Variants in KLRG1 observed in about 807,000 individuals in gnomAD.
KLRG1 encodes killer cell lectin like receptor G1.
In KLRG1, 16 loss-of-function variants were observed where a neutral mutation model predicts 21.8. The observed-to-expected ratio is 0.73, with a 90% CI of 0.50 to 1.11. The LOEUF (loss-of-function observed/expected upper bound fraction) is 1.11. Ranked by LOEUF, KLRG1 falls within the 50% of genes most tolerant of loss-of-function variation. The pLI is 0.00. For missense variants in KLRG1, 173 were observed against 218.3 expected, an observed-to-expected ratio of 0.79 and a Z score of 1.31; for synonymous variants, 69 against 75.9, an observed-to-expected ratio of 0.91 and a Z score of 0.47.
At chr12:9,035,463 G>C in the KLRG1 span, among the ~76,000 whole-genome samples, 5 of 152,030 alleles carry the variant, frequency 3.3e-5, no homozygotes, top group East Asian at 3.9e-4. Context: ...AGGGAGCTAG[G>C]GGGAGGGATA....
chr12:9,151,733 T>C, the KLRG1 span: 11 of 1,357,542 alleles, frequency 8.1e-6, no homozygotes, highest in South Asian at 1.2e-5. Flanking sequence ...TGGTGTGAGA[T>C]CTAGAGCAGA....
chr12:9,152,902 G>A, the KLRG1 span: 3 of 1,614,008 alleles, frequency 1.9e-6, no homozygotes, highest in East Asian at 4.5e-5. Context: ...CACTTTTAAA[G>A]CAAATGGGGA....
At chr12:9,166,239 A>T in the KLRG1 span, 1 of 1,599,524 alleles carries the variant, frequency 6.3e-7, no homozygotes, top group Non-Finnish European at 8.5e-7. Context: ...AGGGAAAAAC[A>T]TTCATTAATT....
At chr12:9,065,574 G>A in the KLRG1 span, among the ~76,000 whole-genome samples, 2 of 152,248 alleles carry the variant, frequency 1.3e-5, no homozygotes, top group African/African-American at 2.4e-5. Context: ...GGGAGGCTGA[G>A]AGGGGTCTGA....
chr12:8,950,766 G>GT (rs1464374951), intron 1 of KLRG1, among the ~76,000 whole-genome samples: 2 of 151,852 alleles, frequency 1.3e-5, no homozygotes, highest in Admixed American at 6.6e-5. Flanking sequence ...TTAAACGATA[G>GT]TTAATTCACT....
chr12:9,121,761 T>C, the KLRG1 span, among the ~76,000 whole-genome samples: 1 of 152,320 alleles, frequency 6.6e-6, no homozygotes, highest in African/African-American at 2.4e-5. This position sits in a 1 kb window ranked among gnomAD's most constrained non-coding sequence, Gnocchi z 4.4. Flanking sequence ...ATTTATACTT[T>C]GGGGCATGCC....
intron 3 of KLRG1, among the ~76,000 whole-genome samples, chr12:9,001,112 G>T (rs1035945087): frequency 6.6e-6 from 1 of 152,066 alleles, no homozygotes; most frequent in Non-Finnish European, 1.5e-5. Context: ...CAGTATGTTG[G>T]TTACATTTTC....
At chr12:9,194,080 G>T in the KLRG1 span, 1 of 1,611,380 alleles carries the variant, frequency 6.2e-7, no homozygotes, top group South Asian at 1.1e-5. Context: ...TACTTACCCG[G>T]ACAAAAAGTT....
At chr12:8,969,602 T>C (rs1946535296) in intron 1 of KLRG1, among the ~76,000 whole-genome samples, 1 of 151,858 alleles carries the variant, frequency 6.6e-6, no homozygotes, top group Non-Finnish European at 1.5e-5. Flanking sequence ...AGGAGGAAAT[T>C]ACACTTAAAG....
chr12:9,077,976 G>T, the KLRG1 span: 384,232 of 1,135,024 alleles, frequency 0.34, 69,956 homozygotes, highest in African/African-American at 0.55. Flanking sequence ...TACTTAGAGA[G>T]CTTATCTCCT....
intron 1 of KLRG1, among the ~76,000 whole-genome samples, chr12:8,953,841 G>A (rs1169375971): frequency 6.6e-6 from 1 of 152,154 alleles, no homozygotes; most frequent in Non-Finnish European, 1.5e-5. Context: ...TACTTCTAGG[G>A]CTGAAGAAGA....
the KLRG1 span, chr12:9,077,354 T>G: frequency 6.2e-7 from 1 of 1,613,208 alleles, no homozygotes; most frequent in Non-Finnish European, 8.5e-7. Flanking sequence ...ACAGTGACTG[T>G]GAGAGGAATC....
At chr12:9,085,744 A>G in the KLRG1 span, among the ~76,000 whole-genome samples, 121 of 152,182 alleles carry the variant, frequency 8.0e-4, no homozygotes, top group African/African-American at 2.9e-3. Context: ...ACAGACAAAA[A>G]CTTTTAGCTA....
chr12:9,116,643 T>C, the KLRG1 span, among the ~76,000 whole-genome samples: 1 of 152,212 alleles, frequency 6.6e-6, no homozygotes, highest in Non-Finnish European at 1.5e-5. Context: ...CTTTAAGTCA[T>C]ATAAATGATT....
At chr12:9,129,354 GAGAT>G in the KLRG1 span, among the ~76,000 whole-genome samples, 16 of 152,136 alleles carry the variant, frequency 1.1e-4, no homozygotes, top group South Asian at 2.1e-4. Context: ...TTTGAGGAGA[GAGAT>G]AGAGAAGAAA....
the KLRG1 span, chr12:9,157,767 A>G: frequency 8.1e-6 from 13 of 1,613,220 alleles, no homozygotes; most frequent in East Asian, 2.2e-5. Flanking sequence ...TGGTACCTAC[A>G]GTGACTGGGA....
chr12:9,169,706 G>T, the KLRG1 span: 1 of 986,046 alleles, frequency 1.0e-6, no homozygotes, highest in Non-Finnish European at 1.4e-6. Context: ...CGTTCATGTA[G>T]TTGGTACCTT....
the KLRG1 span, chr12:9,068,256 AATCATT>A: frequency 6.3e-7 from 1 of 1,597,826 alleles, no homozygotes; most frequent in Non-Finnish European, 8.5e-7. Context: ...AAAAACCAGA[AATCATT>A]ACATGAAGTG....
At chr12:9,024,152 T>G in the KLRG1 span, among the ~76,000 whole-genome samples, 2 of 148,570 alleles carry the variant, frequency 1.3e-5, no homozygotes, top group Non-Finnish European at 3.0e-5. Context: ...CTTATCCTCC[T>G]GAGTAGCTGG....
Sources: gnomAD v4.1 joint callset for allele counts (sites outside exome capture counted in the v4.1 genomes callset) on GRCh38, gnomAD v4.1.1 for gene constraint, Gnocchi (gnomAD v3.1) non-coding constraint, MANE v1.5 for transcripts, NCBI Gene and HGNC (gene_info 2026-07-23, HGNC 2026-07-21) for gene names.